SHANK2: variants seen among roughly 807,000 people sequenced by gnomAD.
SHANK2 encodes SH3 and multiple ankyrin repeat domains 2, also known as SH3 and multiple ankyrin repeat domains protein 2.
In SHANK2, 43 loss-of-function variants were observed where a neutral mutation model predicts 133.7. That is an observed-to-expected ratio of 0.32 (90% CI 0.25 to 0.41). The LOEUF is 0.41. Ranked by LOEUF, SHANK2 falls within the 10% of genes least tolerant of loss-of-function variation. The pLI is 1.00. For synonymous variants in SHANK2, 1,017 were observed against 952.8 expected (o/e 1.07, Z -1.24); for missense variants, 1,994 against 2,235.8 (o/e 0.89, Z 2.18).
At chr11:70,567,486 G>T (rs961406879) in intron 17 of SHANK2, among the ~76,000 whole-genome samples, 3 of 152,140 alleles carry the variant, frequency 2.0e-5, no homozygotes, top group Non-Finnish European at 1.5e-5. Context: ...AATTAGCCGG[G>T]TGTGGTGGCG....
At chr11:70,803,337 C>CCCAT in intron 13 of SHANK2, among the ~76,000 whole-genome samples, 1 of 2,452 alleles carries the variant, frequency 4.1e-4, no homozygotes, top group Middle Eastern at 0.12. Flanking sequence ...CATCCATCTA[C>CCCAT]CCATCCATCC....
chr11:71,223,544 T>C (rs1190261026), intron 2 of SHANK2, among the ~76,000 whole-genome samples: 1 of 152,182 alleles, frequency 6.6e-6, no homozygotes, highest in African/African-American at 2.4e-5. Context: ...TTTTAAAGTA[T>C]ATGAGAGAAA....
rs1555052102 is a variant in SHANK2, at chr11:70,807,114, C to A, written c.1551G>T (p.Gly517=). The part of the protein sequence containing the change: ...KDSLSAFEYP[G]PKRKLYSAVP... ...CGGCACTGTAGAGCTTCCGCTTGGG[C>A]CCCGGGTACTCGAAGGCCGAGAGTG... Residue 517 remains glycine (G), a synonymous_variant, in exon 13 of 26, where the codon GGG becomes GGT. Coordinates refer to ENST00000601538, the MANE Select transcript of SHANK2 (RefSeq NM_012309.5). This position sits in a 1 kb window ranked among gnomAD's most constrained non-coding sequence, Gnocchi z 4.8. 2 of 718,012 alleles carry A rather than the reference C, an allele frequency of 2.8e-6. No homozygotes were observed. The highest frequency in any genetic ancestry group is 5.2e-6 in the Non-Finnish European group (2 of 384,996). The allele number at this position is 718,012 out of a possible 1,614,324, so 44.5% of individuals were successfully genotyped here. A position where few individuals can be genotyped will look rare whatever the true frequency, so the allele number is the denominator to read the frequency against.
At chr11:70,683,107 A>T (rs1454412184) in intron 15 of SHANK2, among the ~76,000 whole-genome samples, 2 of 152,086 alleles carry the variant, frequency 1.3e-5, no homozygotes, top group Admixed American at 1.3e-4. Context: ...CTGGCTCAGG[A>T]TTTGACAATT....
intron 17 of SHANK2, among the ~76,000 whole-genome samples, chr11:70,530,083 G>A (rs1554972885): frequency 1.3e-5 from 2 of 152,254 alleles, no homozygotes; most frequent in Non-Finnish European, 2.9e-5. Context: ...AGGAATGCAG[G>A]GACTCAAGCA....
chr11:70,835,893 A>T (rs1590741096), intron 11 of SHANK2, among the ~76,000 whole-genome samples: 1 of 152,142 alleles, frequency 6.6e-6, no homozygotes, highest in African/African-American at 2.4e-5. Flanking sequence ...ATCTAGGGGC[A>T]GAGTGGGCTC....
chr11:70,733,487 C>T (rs1156725433), intron 14 of SHANK2, among the ~76,000 whole-genome samples: 6 of 152,204 alleles, frequency 3.9e-5, no homozygotes, highest in Non-Finnish European at 7.3e-5. Flanking sequence ...GGTGACTGAG[C>T]TGGGATTGGA....
chr11:71,214,923 G>A (rs534895823), intron 2 of SHANK2, among the ~76,000 whole-genome samples: 3 of 152,164 alleles, frequency 2.0e-5, no homozygotes, highest in East Asian at 1.9e-4. Flanking sequence ...CAAGCATCCC[G>A]CCTTCCACAC....
rs568614573 is a variant in SHANK2 at position 70,650,250 on chromosome 11, C to A, written c.2061+9578G>T. The stretch of plus-strand genomic sequence containing the variant: ...ATGCTCAACCATGTTGGCTCCTTGG[C>A]CCCTCCTTGTGGAAGAGATTTCTCC... On this transcript the variant is annotated intron_variant, in intron 17 of 25. Coordinates refer to ENST00000601538, the MANE Select transcript of SHANK2 (RefSeq NM_012309.5). Among the ~76,000 whole-genome samples, 324 of 152,296 alleles carry A rather than the reference C, an allele frequency of 2.1e-3. 1 individual carries two copies. The highest frequency in any genetic ancestry group is 7.6e-3 in the African/African-American group (316 of 41,566).
chr11:70,941,451 C>A (rs1293132931), intron 10 of SHANK2, among the ~76,000 whole-genome samples: 1 of 152,186 alleles, frequency 6.6e-6, no homozygotes, highest in African/African-American at 2.4e-5. Context: ...AAACATATCT[C>A]CTAAACTTGC....
At chr11:70,955,310 C>CA (rs1950902334) in intron 10 of SHANK2, among the ~76,000 whole-genome samples, 2 of 152,072 alleles carry the variant, frequency 1.3e-5, no homozygotes, top group Admixed American at 6.6e-5. Context: ...TCCCTGTATC[C>CA]AAAAAACAGT....
chr11:70,648,817 C>T (rs548298298), intron 17 of SHANK2, among the ~76,000 whole-genome samples: 4 of 152,290 alleles, frequency 2.6e-5, no homozygotes, highest in East Asian at 1.9e-4. Context: ...TGGCTGTGCT[C>T]TCCTCAGTGG....
intron 1 of SHANK2, among the ~76,000 whole-genome samples, chr11:71,239,313 T>C (rs554943694): frequency 2.6e-4 from 39 of 152,350 alleles, no homozygotes; most frequent in Admixed American, 9.8e-4. Context: ...TGAGACCATA[T>C]GCACAAAGCT....
At chr11:70,717,042 C>T (rs1287960787) in intron 14 of SHANK2, among the ~76,000 whole-genome samples, 1 of 152,208 alleles carries the variant, frequency 6.6e-6, no homozygotes, top group African/African-American at 2.4e-5. Flanking sequence ...GGGTGTTTCT[C>T]CCTCTCCACC....
intron 10 of SHANK2, among the ~76,000 whole-genome samples, chr11:70,950,290 C>T (rs1950813880): frequency 6.6e-6 from 1 of 151,866 alleles, no homozygotes; most frequent in South Asian, 2.1e-4. Context: ...GATTCTCCTG[C>T]CTCAGCCTCC....
At chr11:71,219,917 T>A (rs1218910245) in intron 2 of SHANK2, among the ~76,000 whole-genome samples, 3 of 141,490 alleles carry the variant, frequency 2.1e-5, no homozygotes, top group Non-Finnish European at 3.1e-5. Context: ...TTAAATTAAA[T>A]TAAAAATTTA....
intron 14 of SHANK2, among the ~76,000 whole-genome samples, chr11:70,772,213 G>C (rs1389083972): frequency 7.9e-5 from 12 of 152,166 alleles, no homozygotes; most frequent in African/African-American, 2.7e-4. Flanking sequence ...GCTGAGGCAG[G>C]TGGATCACTT....
chr11:71,065,148 A>G (rs1034731495), intron 9 of SHANK2, among the ~76,000 whole-genome samples: 1 of 152,158 alleles, frequency 6.6e-6, no homozygotes, highest in Non-Finnish European at 1.5e-5. Flanking sequence ...TGAAAGTCTG[A>G]CCACACTGTG....
chr11:70,752,500 C>G (rs1360263431), intron 14 of SHANK2, among the ~76,000 whole-genome samples: 1 of 152,100 alleles, frequency 6.6e-6, no homozygotes, highest in Non-Finnish European at 1.5e-5. Flanking sequence ...AGACGGATCA[C>G]AAGGTCAGGA....
Sources: gnomAD v4.1 joint callset for allele counts (sites outside exome capture counted in the v4.1 genomes callset) on GRCh38, gnomAD v4.1.1 for gene constraint, Gnocchi (gnomAD v3.1) non-coding constraint, MANE v1.5 for transcripts, NCBI Gene and HGNC (gene_info 2026-07-23, HGNC 2026-07-21) for gene names.